The following MLIP variants were observed in gnomAD, a reference collection of about 807,000 sequenced individuals.
The protein encoded by MLIP is muscular LMNA-interacting protein.
A neutral mutation model predicts 84.8 loss-of-function variants in MLIP; 79 were observed. The observed-to-expected ratio is 0.93, with a 90% CI of 0.78 to 1.12. The LOEUF is 1.12. MLIP is among the 50% of genes most tolerant of loss of function. MLIP has a pLI of 0.00. For synonymous variants in MLIP, 504 were observed against 463.0 expected (o/e 1.09, Z -1.14); for missense variants, 1,257 against 1,160.6 (o/e 1.08, Z -1.21).
chr6:54,089,090 T>C (rs1767689203), intron 1 of MLIP, among the ~76,000 whole-genome samples: 1 of 152,190 alleles, frequency 6.6e-6, no homozygotes, highest in Non-Finnish European at 1.5e-5. Context: ...CATACAACAT[T>C]AGCCTCTTTC....
chr6:54,249,410 T>C (rs1782301065), intron 12 of MLIP, among the ~76,000 whole-genome samples: 1 of 152,072 alleles, frequency 6.6e-6, no homozygotes, highest in South Asian at 2.1e-4. Flanking sequence ...ATAAATGTTG[T>C]AATATATTTT....
chr6:54,252,299 T>C (rs182759610), intron 12 of MLIP, among the ~76,000 whole-genome samples: 14,587 of 114,920 alleles, frequency 0.13, 1,337 homozygotes, highest in African/African-American at 0.2. Flanking sequence ...TTATACCATA[T>C]AATATATAAT....
chr6:54,084,554 T>C (rs1767363514), intron 1 of MLIP, among the ~76,000 whole-genome samples: 1 of 152,176 alleles, frequency 6.6e-6, no homozygotes. Context: ...ATTGCTTTTC[T>C]ATACCTCAAG....
chr6:54,028,793 CCTT>C (rs1344106774), intron 1 of MLIP: 1 of 152,178 alleles, frequency 6.6e-6, no homozygotes, highest in Non-Finnish European at 1.5e-5. Flanking sequence ...TCTTTTCAGC[CCTT>C]CTTTACAGTC....
chr6:54,239,761 T>C (rs77818915), intron 12 of MLIP, among the ~76,000 whole-genome samples: 2 of 151,790 alleles, frequency 1.3e-5, no homozygotes, highest in African/African-American at 4.8e-5. Context: ...CACTCCAGTC[T>C]GGGTGACAGA....
chr6:54,238,041 A>G (rs1314336168), intron 12 of MLIP, among the ~76,000 whole-genome samples: 1 of 152,078 alleles, frequency 6.6e-6, no homozygotes, highest in African/African-American at 2.4e-5. Flanking sequence ...CCCATTTTAC[A>G]ATGCATTTAA....
At chr6:54,191,333 A>G (rs1401683851) in intron 10 of MLIP, among the ~76,000 whole-genome samples, 1 of 152,198 alleles carries the variant, frequency 6.6e-6, no homozygotes, top group Admixed American at 6.5e-5. Context: ...GAAATCATAA[A>G]AAGTGTTGTT....
At chr6:54,026,864 G>A (rs1051708692) in intron 1 of MLIP, among the ~76,000 whole-genome samples, 3 of 152,116 alleles carry the variant, frequency 2.0e-5, no homozygotes, top group Non-Finnish European at 4.4e-5. Context: ...AGTTAAAGTT[G>A]TGCTTGTATG....
In MLIP at chr6:54,257,359, G is replaced by C. The variant is rs776112436; in HGVS notation, c.2974G>C (p.Glu992Gln). ...IPEHEALDSK[E>Q]Q ...TGAACATGAAGCTCTTGATTCCAAA[G>C]AGGTAAATGTAAGATAGGACTGGAT... The change falls in exon 13 of 14, where the codon GAG (glutamate) becomes CAG (glutamine). Residue 992 changes from glutamate to glutamine, a missense_variant and splice_region_variant. Coordinates refer to ENST00000502396, the MANE Select transcript of MLIP (RefSeq NM_001281747.2). The C allele has an allele frequency of 6.2e-7, 1 of 1,608,886 alleles. No homozygotes were observed. Among genetic ancestry groups the C allele is most frequent in the South Asian group, 1.1e-5 (1 of 90,872 alleles).
At chr6:54,183,997 G>T (rs1777150894) in intron 9 of MLIP, among the ~76,000 whole-genome samples, 1 of 151,632 alleles carries the variant, frequency 6.6e-6, no homozygotes, top group Non-Finnish European at 1.5e-5. Context: ...CACTCTCCAG[G>T]TTAAGAGTAA....
At chr6:54,165,256 C>T (rs1346782613) in intron 8 of MLIP, among the ~76,000 whole-genome samples, 1 of 151,890 alleles carries the variant, frequency 6.6e-6, no homozygotes, top group East Asian at 2.0e-4. Flanking sequence ...ACTTCCTCTC[C>T]ACCCTGGTGA....
At chr6:54,037,022 A>G (rs1338352021) in intron 1 of MLIP, among the ~76,000 whole-genome samples, 1 of 152,062 alleles carries the variant, frequency 6.6e-6, no homozygotes, top group Non-Finnish European at 1.5e-5. Flanking sequence ...CCTTTGAGAA[A>G]TACAGTAGAT....
intron 9 of MLIP, among the ~76,000 whole-genome samples, chr6:54,177,323 A>ATT: frequency 6.6e-6 from 1 of 152,318 alleles, no homozygotes; most frequent in South Asian, 2.1e-4. Context: ...TCCAGAATCT[A>ATT]CAAGGAACTT....
intron 10 of MLIP, among the ~76,000 whole-genome samples, chr6:54,200,853 G>T (rs1223500878): frequency 6.6e-6 from 1 of 152,248 alleles, no homozygotes; most frequent in Non-Finnish European, 1.5e-5. Flanking sequence ...AGAAAGTATT[G>T]CAGAGTGACA....
chr6:54,091,667 CA>C (rs751822022), intron 1 of MLIP, among the ~76,000 whole-genome samples: 37 of 152,206 alleles, frequency 2.4e-4, no homozygotes, highest in Non-Finnish European at 4.6e-4. Flanking sequence ...CAGTGAAAAG[CA>C]AGCAATGACT....
chr6:54,028,287 C>T (rs533655867), intron 1 of MLIP, among the ~76,000 whole-genome samples: 8 of 152,224 alleles, frequency 5.3e-5, no homozygotes, highest in Non-Finnish European at 8.8e-5. Flanking sequence ...CCCTCCACCC[C>T]CAGCTTGGTC....
chr6:54,122,032 T>TA (rs1440758291), intron 2 of MLIP, among the ~76,000 whole-genome samples: 1 of 152,234 alleles, frequency 6.6e-6, no homozygotes, highest in Non-Finnish European at 1.5e-5. Context: ...TTGGCATGCT[T>TA]ACACTTTGCT....
At chr6:54,152,584 G>A (rs569709520) in intron 5 of MLIP, among the ~76,000 whole-genome samples, 7 of 152,222 alleles carry the variant, frequency 4.6e-5, no homozygotes, top group Middle Eastern at 6.8e-3. Flanking sequence ...CCATGATTCA[G>A]TTACCTCCCT....
chr6:54,121,444 T>C lies in MLIP; in HGVS notation c.97-3T>C. On this transcript the variant is annotated splice_polypyrimidine_tract_variant and splice_region_variant and intron_variant, in intron 1 of 13. Coordinates refer to ENST00000502396, the MANE Select transcript of MLIP (RefSeq NM_001281747.2). ...AAAGTCTAATTAACTACATGTCTCA[T>C]AGGTCTCTGCTGGTGGTTCTGAAGC... The C allele has an allele frequency of 6.2e-7, 1 of 1,613,868 alleles. No individual in the cohort carries two copies. Among genetic ancestry groups the C allele is most frequent in the Non-Finnish European group, 8.5e-7 (1 of 1,179,942 alleles).
Sources: allele counts gnomAD v4.1 joint callset (sites outside exome capture counted in the v4.1 genomes callset), GRCh38; gene constraint gnomAD v4.1.1; transcripts MANE v1.5; gene names NCBI Gene and HGNC (gene_info 2026-07-23, HGNC 2026-07-21).